The following UNC5D variants were observed in gnomAD, a reference collection of about 807,000 sequenced individuals.
UNC5D encodes the protein netrin receptor UNC5D.
UNC5D carries 39 observed loss-of-function variants against 105.4 expected under a neutral mutation model. The observed-to-expected ratio is 0.37, with a 90% CI of 0.29 to 0.48. The LOEUF (loss-of-function observed/expected upper bound fraction) is 0.48, where lower values mean the gene tolerates loss of function less well. Ranked by LOEUF, UNC5D falls within the 20% of genes least tolerant of loss-of-function variation. UNC5D has a pLI of 0.98. For missense variants in UNC5D, 991 were observed against 1,202.4 expected (o/e 0.82, Z 2.60); for synonymous variants, 452 against 450.4 (o/e 1.00, Z -0.04).
chr8:35,311,881 T>C (rs969580354), intron 1 of UNC5D, among the ~76,000 whole-genome samples: 4 of 152,156 alleles, frequency 2.6e-5, no homozygotes, highest in Non-Finnish European at 5.9e-5. Flanking sequence ...ACCTGTGGTA[T>C]TTACAATCCT....
At chr8:35,475,246 G>A (rs970830032) in intron 1 of UNC5D, among the ~76,000 whole-genome samples, 2 of 152,110 alleles carry the variant, frequency 1.3e-5, no homozygotes, top group Non-Finnish European at 2.9e-5. Flanking sequence ...TGAGACAGAG[G>A]GATAAAGGCC....
intron 1 of UNC5D, among the ~76,000 whole-genome samples, chr8:35,409,351 T>C (rs943717218): frequency 2.0e-5 from 3 of 152,116 alleles, no homozygotes; most frequent in Non-Finnish European, 4.4e-5. Context: ...TGCATTTCCA[T>C]CAGCAGTGGA....
intron 1 of UNC5D, among the ~76,000 whole-genome samples, chr8:35,473,229 G>A (rs534783448): frequency 5.3e-5 from 8 of 152,306 alleles, no homozygotes; most frequent in African/African-American, 1.9e-4. Context: ...ATCTGGGGAT[G>A]TCCCAGAGGA....
intron 1 of UNC5D, among the ~76,000 whole-genome samples, chr8:35,507,363 T>C (rs369248919): frequency 1.3e-5 from 2 of 152,288 alleles, no homozygotes; most frequent in African/African-American, 4.8e-5. Context: ...CCAGGGCTTT[T>C]CTTATCAGTT....
At chr8:35,663,078 C>T (rs760089406) in intron 4 of UNC5D, among the ~76,000 whole-genome samples, 29 of 152,132 alleles carry the variant, frequency 1.9e-4, no homozygotes, top group Non-Finnish European at 3.7e-4. Flanking sequence ...AAATTGTCTT[C>T]CACAAAACCA....
intron 1 of UNC5D, among the ~76,000 whole-genome samples, chr8:35,440,420 T>C (rs536920413): frequency 6.6e-6 from 1 of 152,104 alleles, no homozygotes; most frequent in East Asian, 1.9e-4. Context: ...GAAAAATTAT[T>C]AAAACATGAA....
chr8:35,617,497 T>TG (rs1206984982), intron 4 of UNC5D, among the ~76,000 whole-genome samples: 7 of 152,200 alleles, frequency 4.6e-5, no homozygotes, highest in Non-Finnish European at 1.0e-4. Context: ...CCTCTTTCAT[T>TG]GCATTGCACA....
intron 3 of UNC5D, among the ~76,000 whole-genome samples, chr8:35,574,173 T>C (rs1409849033): frequency 6.6e-6 from 1 of 152,158 alleles, no homozygotes; most frequent in Non-Finnish European, 1.5e-5. Context: ...TTTTTCTCCT[T>C]CTTCTTCATC....
chr8:35,637,190 T>C (rs1161592770), intron 4 of UNC5D, among the ~76,000 whole-genome samples: 1 of 152,210 alleles, frequency 6.6e-6, no homozygotes, highest in African/African-American at 2.4e-5. Context: ...TAAACAGGTT[T>C]GTACTCTGAG....
intron 1 of UNC5D, among the ~76,000 whole-genome samples, chr8:35,491,617 A>AGT (rs3048026): frequency 0.17 from 25,819 of 151,170 alleles, 2,803 homozygotes; most frequent in African/African-American, 0.32. Context: ...AACACTTTAG[A>AGT]GTGTGTGTGT....
At chr8:35,564,710 T>C (rs1817208654) in intron 2 of UNC5D, among the ~76,000 whole-genome samples, 1 of 152,164 alleles carries the variant, frequency 6.6e-6, no homozygotes, top group Non-Finnish European at 1.5e-5. Flanking sequence ...TAGTGTACAT[T>C]GTACCCCATA....
chr8:35,533,609 A>G (rs1250522448), intron 1 of UNC5D, among the ~76,000 whole-genome samples: 1 of 152,224 alleles, frequency 6.6e-6, no homozygotes, highest in African/African-American at 2.4e-5. Context: ...TGTTTACCTA[A>G]GCAAGCCTGG....
chr8:35,512,480 A>ATC (rs1563488077), intron 1 of UNC5D, among the ~76,000 whole-genome samples: 11 of 108,454 alleles, frequency 1.0e-4, no homozygotes, highest in Non-Finnish European at 1.8e-4. Flanking sequence ...ATATATATAT[A>ATC]TATATATATA....
intron 16 of UNC5D, among the ~76,000 whole-genome samples, chr8:35,777,298 A>G (rs1357716793): frequency 6.6e-6 from 1 of 152,166 alleles, no homozygotes; most frequent in African/African-American, 2.4e-5. Flanking sequence ...TGCCCCAGCT[A>G]TTTGGAAGGC....
intron 1 of UNC5D, among the ~76,000 whole-genome samples, chr8:35,528,542 A>G (rs1282813490): frequency 2.0e-5 from 3 of 146,702 alleles, no homozygotes; most frequent in African/African-American, 7.6e-5. Context: ...CATGATTTAT[A>G]GTCATTTGGG....
rs189704503 is a variant in UNC5D, at chr8:35,613,994, T to C, written c.570+18337T>C. Among the ~76,000 whole-genome samples, 97 of 152,348 alleles carry C rather than the reference T, an allele frequency of 6.4e-4. 2 individuals carry two copies. The highest frequency in any genetic ancestry group is 1.1e-3 in the Non-Finnish European group (78 of 68,038). On this transcript the variant is annotated intron_variant, in intron 4 of 16. Coordinates refer to ENST00000404895, the MANE Select transcript of UNC5D (RefSeq NM_080872.4). ...AGACTGTGTGTGGGGTGTTAATCTT[T>C]CTTTGTCTGTAGAATAAAGAGGGAG... is the stretch of plus-strand genomic sequence containing the variant.
chr8:35,580,230 CATGCTGTTGT>C (rs980366579), intron 3 of UNC5D, among the ~76,000 whole-genome samples: 7 of 152,250 alleles, frequency 4.6e-5, no homozygotes, highest in Admixed American at 1.3e-4. Context: ...CTGCTTTCAT[CATGCTGTTGT>C]ATTTATGAGC....
rs60257801 is a variant in UNC5D, at chr8:35,677,775, C to CATAT, written c.571-5761_571-5758dup. 7.7e-3 allele frequency among the ~76,000 whole-genome samples: 1,150 copies of CATAT among 149,496 alleles called. 17 individuals carry two copies. Among genetic ancestry groups the CATAT allele is most frequent in the African/African-American group, 0.025 (1,005 of 40,780 alleles). The stretch of plus-strand genomic sequence containing the variant: ...ACACCATAAACATCAAGTATACCAG[C>CATAT]ATATATATATATATGCTGATATGCT... On this transcript the variant is annotated intron_variant, in intron 4 of 16. Coordinates refer to ENST00000404895, the MANE Select transcript of UNC5D (RefSeq NM_080872.4).
At chr8:35,399,597 T>C (rs1585752227) in intron 1 of UNC5D, among the ~76,000 whole-genome samples, 1 of 152,160 alleles carries the variant, frequency 6.6e-6, no homozygotes, top group East Asian at 1.9e-4. Flanking sequence ...CATACATATG[T>C]CAAAAGTTAG....
Sources: gnomAD v4.1 joint callset for allele counts (sites outside exome capture counted in the v4.1 genomes callset) on GRCh38, gnomAD v4.1.1 for gene constraint, MANE v1.5 for transcripts, NCBI Gene and HGNC (gene_info 2026-07-23, HGNC 2026-07-21) for gene names.